The following ASPG variants were observed in gnomAD, a reference collection of about 807,000 sequenced individuals.
The protein encoded by ASPG is asparaginase.
ASPG carries 53 observed loss-of-function variants against 63.2 expected under a neutral mutation model. That is an observed-to-expected ratio of 0.84 (90% CI 0.67 to 1.05). ASPG has a LOEUF of 1.05. Among genes scored for constraint, ASPG ranks in the 50% least tolerant of loss-of-function variants. The pLI, the probability that ASPG is intolerant of heterozygous loss-of-function variation, is 0.00. For synonymous variants in ASPG, 370 were observed against 355.0 expected (o/e 1.04, Z -0.48); for missense variants, 741 against 794.4 (o/e 0.93, Z 0.81).
At chr14:104,108,176 G>A (rs2037223539) in intron 12 of ASPG, among the ~76,000 whole-genome samples, 1 of 152,038 alleles carries the variant, frequency 6.6e-6, no homozygotes, top group Non-Finnish European at 1.5e-5. Flanking sequence ...GGTGACTGGG[G>A]TAGAAGGTTC....
rs1307340832 is a variant in ASPG, at chr14:104,109,622, A to T, written c.1520+307A>T. Among the ~76,000 whole-genome samples the T allele has an allele frequency of 1.2e-5, 1 of 81,750 alleles. No individual in the cohort carries two copies. The highest frequency in any genetic ancestry group is 2.4e-5 in the Non-Finnish European group (1 of 41,990). 53.6% of individuals were successfully genotyped at this position (81,750 alleles called of 152,430 possible). On this transcript the variant is annotated intron_variant, in intron 13 of 15. Transcript: ENST00000551177. The surrounding 1 kb of genome is among the most constrained non-coding windows in gnomAD (Gnocchi z 4.8). The stretch of plus-strand genomic sequence containing the variant: ...CATGTGTGTGTGTGTGGTGGGCTTG[A>T]GGAGGGGTATGGGAATTGGTTGTCG...
rs771496903 is a variant in ASPG at position 104,105,466 on chromosome 14, A to C, written c.1173+16A>C. On this transcript the variant is annotated intron_variant, in intron 10 of 15. Transcript: ENST00000551177. ...CGGCAGCCAGGTAATGGCGTGGGAC[A>C]CGGGCCTGAGTGGCAGCTGGGGACT... 1.3e-6 allele frequency: 2 copies of C among 1,558,306 alleles called. No homozygotes were observed. Among genetic ancestry groups the C allele is most frequent in the Admixed American group, 1.9e-5 (1 of 53,310 alleles).
intron 12 of ASPG, among the ~76,000 whole-genome samples, chr14:104,107,858 C>T (rs1192394706): frequency 2.0e-5 from 3 of 152,064 alleles, no homozygotes; most frequent in African/African-American, 7.2e-5. Flanking sequence ...TGCGTCCCGT[C>T]TCCCCTTCCT....
At position 104,097,653 on chromosome 14, in the gene ASPG, A is replaced by G; in HGVS notation, c.513+16A>G. On this transcript the variant is annotated intron_variant, in intron 5 of 15. Transcript: ENST00000551177. ...GATCCCAGAGGTACCTGCCTGGTGC[A>G]CGTGGAGGCGGGGCAGGTGGGGTGG... The G allele has an allele frequency of 1.9e-5, 30 of 1,555,640 alleles. No homozygotes were observed. The highest frequency in any genetic ancestry group is 2.5e-5 in the Non-Finnish European group (29 of 1,150,424).
Position 104,106,845 on chromosome 14 carries a change from C to G in ASPG, c.1220C>G (p.Ala407Gly). 1 of 1,600,980 alleles carries G rather than the reference C, an allele frequency of 6.2e-7. No individual in the cohort carries two copies. Among genetic ancestry groups the G allele is most frequent in the East Asian group, 2.3e-5 (1 of 44,424 alleles). The change falls in exon 11 of 16, where the codon GCT becomes GGT. Residue 407 changes from alanine (A) to glycine (G), a missense_variant. Transcript: ENST00000551177. Reference sequence around the variant, plus strand: ...GCCCTGGTGCCCAGCCTGGCCTGTGCTGCTGCCCACGCCGGTGACGTGGAG... The same window carrying G: ...GCCCTGGTGCCCAGCCTGGCCTGTGGTGCTGCCCACGCCGGTGACGTGGAG... ...RNALVPSLAC[A>G]AAHAGDVEAL...
intron 5 of ASPG, 142 bp from the exon 6 acceptor site, chr14:104,098,711 T>C (rs2036735805): frequency 3.0e-6 from 4 of 1,316,598 alleles, no homozygotes; most frequent in Non-Finnish European, 4.1e-6. Flanking sequence ...CCCAGGAAGG[T>C]CTCTGCCTGC....
At chr14:104,096,575 T>A (rs1050632029) in intron 4 of ASPG, among the ~76,000 whole-genome samples, 5 of 152,126 alleles carry the variant, frequency 3.3e-5, no homozygotes, top group African/African-American at 4.8e-5. Flanking sequence ...GGTTCTCCTC[T>A]TCCCAGACCT....
chr14:104,109,569 T>G lies in ASPG; in HGVS notation c.1520+254T>G, dbSNP rs1298211157. On this transcript the variant is annotated intron_variant, in intron 13 of 15. Coordinates refer to ENST00000551177, the MANE Select transcript of ASPG (RefSeq NM_001080464.3). This position sits in a 1 kb window ranked among gnomAD's most constrained non-coding sequence, Gnocchi z 4.8. ...AAGGGTGTCTCTGTGTGCACATGTGTGCATGTGTGTATGCATGTGTGTGGG... is the reference window on the plus strand; with the variant it reads ...AAGGGTGTCTCTGTGTGCACATGTGGGCATGTGTGTATGCATGTGTGTGGG... Among the ~76,000 whole-genome samples, 3 of 151,394 alleles carry G rather than the reference T, an allele frequency of 2.0e-5. No individual in the cohort carries two copies. The highest frequency in any genetic ancestry group is 3.4e-3 in the Middle Eastern group (1 of 292).
At chr14:104,100,852 A>G (rs2036843367) in intron 6 of ASPG, among the ~76,000 whole-genome samples, 1 of 152,212 alleles carries the variant, frequency 6.6e-6, no homozygotes, top group Non-Finnish European at 1.5e-5. Context: ...AGGAGCAGCA[A>G]GAGGTGTGGG....
intron 12 of ASPG, 133 bp downstream of exon 12, chr14:104,107,478 C>A: frequency 1.1e-6 from 1 of 940,086 alleles, no homozygotes; most frequent in Non-Finnish European, 1.4e-6. Flanking sequence ...AAGGCTGCCC[C>A]CGCAGCCCGG....
At chr14:104,100,391 G>A (rs1360414791) in intron 6 of ASPG, among the ~76,000 whole-genome samples, 2 of 152,154 alleles carry the variant, frequency 1.3e-5, no homozygotes, top group African/African-American at 2.4e-5. Context: ...GTCCGGGCTC[G>A]GTGGCTGACT....
chr14:104,099,284 G>A (rs1418904884), intron 6 of ASPG, among the ~76,000 whole-genome samples: 1 of 152,208 alleles, frequency 6.6e-6, no homozygotes, highest in Non-Finnish European at 1.5e-5. Context: ...CCAGGCCTAG[G>A]AGGTCCCCAG....
intron 7 of ASPG, 66 bp from the exon 8 acceptor site, chr14:104,104,238 G>C: frequency 2.0e-6 from 3 of 1,520,448 alleles, no homozygotes; most frequent in Non-Finnish European, 2.7e-6. Context: ...GAGGGCATGG[G>C]GCGAGTCTCA....
chr14:104,085,809 C>G lies in ASPG; in HGVS notation c.39C>G (p.Ala13=), dbSNP rs773804092. 1 of 1,590,494 alleles carries G rather than the reference C, an allele frequency of 6.3e-7. No homozygotes were observed. The highest frequency in any genetic ancestry group is 1.4e-5 in the African/African-American group (1 of 72,920). The change falls in exon 1 of 16, where the codon GCC becomes GCG. Residue 13 remains alanine (A), a synonymous_variant. Transcript: ENST00000551177. ...TGGGGCCCGAGCGGAGGCTGCTGGC[C>G]GTCTACACCGGCGGCACCATTGGCA... ...RAVGPERRLL[A]VYTGGTIGMR... is the part of the protein sequence containing the mutation.
chr14:104,095,680 C>A, intron 4 of ASPG, 24 bp downstream of exon 4: 1 of 1,611,622 alleles, frequency 6.2e-7, no homozygotes, highest in Non-Finnish European at 8.5e-7. Context: ...CCCGGGGCTC[C>A]TAGGAACAGG....
At chr14:104,103,437 A>G in intron 6 of ASPG, 126 bp from the exon 7 acceptor site, 1 of 793,942 alleles carries the variant, frequency 1.3e-6, no homozygotes, top group Non-Finnish European at 2.0e-6. Flanking sequence ...GAGGGGGCTG[A>G]GCCGCGAAGG....
chr14:104,109,371 A>C lies in ASPG; in HGVS notation c.1520+56A>C. 2 of 1,526,306 alleles carry C rather than the reference A, an allele frequency of 1.3e-6. No homozygotes were observed. Among genetic ancestry groups the C allele is most frequent in the East Asian group, 2.4e-5 (1 of 42,020 alleles). The allele number at this position is 1,526,306 out of a possible 1,614,324, so 94.5% of individuals were successfully genotyped here. ...GGGATGTGGGGGACACAGCTTGGGG[A>C]AGCGAAGCCAGACCTGCTGGGAGGG... On this transcript the variant is annotated intron_variant, in intron 13 of 15. Coordinates refer to ENST00000551177, the MANE Select transcript of ASPG (RefSeq NM_001080464.3). This position sits in a 1 kb window ranked among gnomAD's most constrained non-coding sequence, Gnocchi z 4.8.
chr14:104,100,892 G>T (rs1304875137), intron 6 of ASPG, among the ~76,000 whole-genome samples: 1 of 152,200 alleles, frequency 6.6e-6, no homozygotes, highest in Non-Finnish European at 1.5e-5. Context: ...CTCCCCCATG[G>T]GGCCTGATTC....
At chr14:104,099,511 G>A (rs1443724537) in intron 6 of ASPG, among the ~76,000 whole-genome samples, 1 of 152,150 alleles carries the variant, frequency 6.6e-6, no homozygotes, top group Non-Finnish European at 1.5e-5. Flanking sequence ...AGAGACTGGT[G>A]CCCTGCCAGG....
Sources: gnomAD v4.1 joint callset for allele counts (sites outside exome capture counted in the v4.1 genomes callset) on GRCh38, gnomAD v4.1.1 for gene constraint, Gnocchi (gnomAD v3.1) non-coding constraint, MANE v1.5 for transcripts, NCBI Gene and HGNC (gene_info 2026-07-23, HGNC 2026-07-21) for gene names.